The following RABGEF1 variants were observed in gnomAD, a reference collection of about 807,000 sequenced individuals.
RABGEF1 encodes the protein RAB guanine nucleotide exchange factor 1.
Under a neutral mutation model 57.3 loss-of-function variants are expected in RABGEF1, and 26 were observed. The ratio of observed to expected loss-of-function variants is 0.45; its 90% CI spans 0.33 to 0.63. The LOEUF is 0.63. Ranked by LOEUF, RABGEF1 falls within the 20% of genes least tolerant of loss-of-function variation. The probability of loss-of-function intolerance (pLI) is 0.02; values close to 1 mark genes in which losing one functional copy is unlikely to be tolerated. For synonymous variants in RABGEF1, 185 were observed against 210.7 expected, an observed-to-expected ratio of 0.88 and a Z score of 1.06; for missense variants, 464 against 607.6, an observed-to-expected ratio of 0.76 and a Z score of 2.48.
chr7:66,745,285 CAT>C (rs1488988873), intron 1 of RABGEF1, among the ~76,000 whole-genome samples: 1 of 152,060 alleles, frequency 6.6e-6, no homozygotes, highest in African/African-American at 2.4e-5. Flanking sequence ...TGGCTAGAGA[CAT>C]AGAATTTCAG....
chr7:66,656,918 G>A, the RABGEF1 span, among the ~76,000 whole-genome samples: 7 of 151,738 alleles, frequency 4.6e-5, 1 homozygote, highest in Admixed American at 3.9e-4. Context: ...GAGAGACAAG[G>A]GAATTCTATA....
At chr7:66,726,666 C>T (rs1311166181) in intron 2 of RABGEF1, among the ~76,000 whole-genome samples, 1 of 151,900 alleles carries the variant, frequency 6.6e-6, no homozygotes, top group East Asian at 1.9e-4. Context: ...TGCACCCAGC[C>T]CAAAAAGCAG....
intron 2 of RABGEF1, among the ~76,000 whole-genome samples, chr7:66,733,302 G>C (rs900497832): frequency 6.6e-6 from 1 of 152,144 alleles, no homozygotes; most frequent in African/African-American, 2.4e-5. Flanking sequence ...CCCCCTCGAG[G>C]CTGCCCCACT....
intron 1 of RABGEF1, among the ~76,000 whole-genome samples, chr7:66,709,275 T>C (rs1178090455): frequency 2.0e-5 from 3 of 152,262 alleles, no homozygotes; most frequent in South Asian, 4.2e-4. Context: ...GCTGGGATTA[T>C]AGGTGTGAGC....
intron 1 of RABGEF1, among the ~76,000 whole-genome samples, chr7:66,702,029 A>G (rs1357076866): frequency 6.6e-6 from 1 of 152,198 alleles, no homozygotes; most frequent in Non-Finnish European, 1.5e-5. Flanking sequence ...AGGGCAGGGC[A>G]TCCAATACCC....
the RABGEF1 span, among the ~76,000 whole-genome samples, chr7:66,665,845 G>A: frequency 6.6e-6 from 1 of 152,152 alleles, no homozygotes; most frequent in Non-Finnish European, 1.5e-5. Flanking sequence ...CTCAGTTCTT[G>A]ACAAGCTCCT....
chr7:66,779,525 A>T (rs1050899942), intron 3 of RABGEF1, among the ~76,000 whole-genome samples: 4 of 152,068 alleles, frequency 2.6e-5, no homozygotes, highest in East Asian at 1.9e-4. Context: ...AAAAAAAATT[A>T]AAAAATTAGC....
chr7:66,771,382 G>A (rs747414688), intron 1 of RABGEF1, among the ~76,000 whole-genome samples: 23 of 152,088 alleles, frequency 1.5e-4, no homozygotes, highest in African/African-American at 2.2e-4. Flanking sequence ...TTTGTTATCC[G>A]CCCTCCTCAG....
upstream of RABGEF1, among the ~76,000 whole-genome samples, chr7:66,737,388 G>A (rs1174447512): frequency 6.6e-6 from 1 of 151,700 alleles, no homozygotes; most frequent in East Asian, 1.9e-4. Flanking sequence ...TGAATAGCTG[G>A]GACTACAGGC....
intron 1 of RABGEF1, chr7:66,755,969 A>T (rs1802609287): frequency 9.7e-7 from 1 of 1,032,888 alleles, no homozygotes; most frequent in Admixed American, 3.0e-5. Flanking sequence ...ATTCACATTC[A>T]TTTTGGAAGC....
chr7:66,791,417 T>G (rs1180843900), intron 4 of RABGEF1, among the ~76,000 whole-genome samples: 2 of 152,236 alleles, frequency 1.3e-5, no homozygotes, highest in Admixed American at 1.3e-4. Flanking sequence ...GTTTCATTTT[T>G]AAAGAGGATT....
At chr7:66,761,452 G>A (rs76301419) in intron 1 of RABGEF1, among the ~76,000 whole-genome samples, 6,001 of 152,266 alleles carry the variant, frequency 0.039, 165 homozygotes, top group East Asian at 0.085. Context: ...TATTGCAAAG[G>A]ATCCAGGTAA....
In RABGEF1 at chr7:66,723,209, T is replaced by A. The variant is rs567239742; in HGVS notation, c.-815+10985T>A. Among the ~76,000 whole-genome samples, 4 of 152,300 alleles carry A rather than the reference T, an allele frequency of 2.6e-5. No individual in the cohort carries two copies. The South Asian group carries it at 6.2e-4, about 24-fold the overall frequency. On this transcript the variant is annotated intron_variant and NMD_transcript_variant, in intron 2 of 9. Coordinates refer to the RABGEF1 transcript ENST00000607882. ...GTCTCCAATTCTTGACCTCATGTTA[T>A]CTGCCTGCCTCAGCCTCCCAAAGTG...
chr7:66,673,267 T>C, the RABGEF1 span, among the ~76,000 whole-genome samples: 22 of 151,080 alleles, frequency 1.5e-4, no homozygotes, highest in African/African-American at 5.4e-4. Context: ...GTAGGGTGCA[T>C]TTCTTACTAT....
chr7:66,710,113 A>G (rs2117372980), intron 1 of RABGEF1, among the ~76,000 whole-genome samples: 1 of 152,368 alleles, frequency 6.6e-6, no homozygotes, highest in African/African-American at 2.4e-5. Flanking sequence ...ACACAGTTCT[A>G]GAATTTCATA....
chr7:66,786,822 T>G (rs1811295999), intron 4 of RABGEF1, among the ~76,000 whole-genome samples: 1 of 152,234 alleles, frequency 6.6e-6, no homozygotes, highest in African/African-American at 2.4e-5. Context: ...TTACAGTACT[T>G]CTATACATTC....
At chr7:66,662,180 A>C in the RABGEF1 span, among the ~76,000 whole-genome samples, 1 of 151,690 alleles carries the variant, frequency 6.6e-6, no homozygotes, top group Admixed American at 6.6e-5. Context: ...GGCAGTTTGC[A>C]GTGAGCCAAG....
chr7:66,675,191 T>C, the RABGEF1 span, among the ~76,000 whole-genome samples: 1 of 152,118 alleles, frequency 6.6e-6, no homozygotes, highest in South Asian at 2.1e-4. Context: ...AGGTTAAGTT[T>C]ATTTACCCAG....
chr7:66,707,971 C>T (rs1444523292), intron 1 of RABGEF1, among the ~76,000 whole-genome samples: 1 of 152,054 alleles, frequency 6.6e-6, no homozygotes, highest in Non-Finnish European at 1.5e-5. Flanking sequence ...AATATTTTTG[C>T]ATCCTTTTAC....
Sources: gnomAD v4.1 joint callset for allele counts (sites outside exome capture counted in the v4.1 genomes callset) on GRCh38, gnomAD v4.1.1 for gene constraint, MANE v1.5 for transcripts, NCBI Gene and HGNC (gene_info 2026-07-23, HGNC 2026-07-21) for gene names.